The following SCAF4 variants were observed in gnomAD, a reference collection of about 807,000 sequenced individuals.
The protein encoded by SCAF4 is SR-related and CTD-associated factor 4.
In SCAF4, 25 loss-of-function variants were observed where a neutral mutation model predicts 129.8. That is an observed-to-expected ratio of 0.19 (90% CI 0.14 to 0.27). The LOEUF (loss-of-function observed/expected upper bound fraction) is 0.27, where lower values mean the gene tolerates loss of function less well. Ranked by LOEUF, SCAF4 falls within the 10% of genes least tolerant of loss-of-function variation. SCAF4 has a pLI of 1.00. For synonymous variants in SCAF4, 551 were observed against 497.7 expected (o/e 1.11, Z -1.43); for missense variants, 1,246 against 1,457.1 (o/e 0.86, Z 2.36).
chr21:31,676,310 C>T (rs2049854415), intron 19 of SCAF4, among the ~76,000 whole-genome samples: 1 of 152,190 alleles, frequency 6.6e-6, no homozygotes, highest in African/African-American at 2.4e-5. Flanking sequence ...ACCTGCTTCT[C>T]CTCTTTCCAG....
At chr21:31,699,306 T>C (rs1052264259) in intron 7 of SCAF4, among the ~76,000 whole-genome samples, 5 of 152,166 alleles carry the variant, frequency 3.3e-5, no homozygotes, top group Non-Finnish European at 2.9e-5. Context: ...AAAACCTTAC[T>C]AGAATATAGA....
rs1235135448 is a variant in SCAF4 at position 31,704,530 on chromosome 21, T to C, written c.160-604A>G. On this transcript the variant is annotated intron_variant, in intron 3 of 19. Coordinates refer to ENST00000286835, the MANE Select transcript of SCAF4 (RefSeq NM_020706.2). ...CACCAATTCTACATCTAGGAATTTA[T>C]GCAAAAAAAAAAAAAATTAGGTCTA... is the stretch of plus-strand genomic sequence containing the variant. Among the ~76,000 whole-genome samples the C allele has an allele frequency of 2.1e-5, 3 of 146,280 alleles. No homozygotes were observed. The East Asian group carries it at 5.9e-4, about 29-fold the overall frequency.
intron 3 of SCAF4, among the ~76,000 whole-genome samples, chr21:31,704,775 T>C (rs1270375903): frequency 6.6e-6 from 1 of 152,212 alleles, no homozygotes; most frequent in Admixed American, 6.5e-5. Context: ...TTCCATTTTA[T>C]TTATTTGTAC....
chr21:31,712,409 G>A (rs2050821776), intron 1 of SCAF4, among the ~76,000 whole-genome samples: 1 of 151,432 alleles, frequency 6.6e-6, no homozygotes, highest in Admixed American at 6.6e-5. Flanking sequence ...GTAGAGATGG[G>A]GTTTTGCCAT....
At chr21:31,697,550 G>GA (rs1229744339) in intron 7 of SCAF4, among the ~76,000 whole-genome samples, 1 of 152,190 alleles carries the variant, frequency 6.6e-6, no homozygotes, top group Non-Finnish European at 1.5e-5. Context: ...GTGAATGGTA[G>GA]AATCAGGATG....
At chr21:31,675,916 T>C (rs1568821099) in intron 19 of SCAF4, among the ~76,000 whole-genome samples, 2 of 152,132 alleles carry the variant, frequency 1.3e-5, no homozygotes, top group African/African-American at 2.4e-5. Flanking sequence ...GTTGATTTCA[T>C]AGTTGGAGTC....
intron 15 of SCAF4, among the ~76,000 whole-genome samples, chr21:31,690,306 G>A (rs1415219410): frequency 6.6e-6 from 1 of 151,592 alleles, no homozygotes; most frequent in Non-Finnish European, 1.5e-5. Flanking sequence ...CCAACATGGT[G>A]AAACCCCGTG....
At chr21:31,698,068 C>T (rs1201289288) in intron 7 of SCAF4, among the ~76,000 whole-genome samples, 3 of 152,004 alleles carry the variant, frequency 2.0e-5, no homozygotes, top group South Asian at 2.1e-4. Flanking sequence ...TGGTCAAAGT[C>T]GCCTATAAAA....
intron 9 of SCAF4, 145 bp from the exon 10 acceptor site, chr21:31,695,125 T>C (rs1021995985): frequency 4.3e-5 from 29 of 673,754 alleles, no homozygotes; most frequent in Non-Finnish European, 6.7e-5. Flanking sequence ...AATTTCCATA[T>C]GTACAATTTC....
At chr21:31,719,025 T>C (rs2051006348) in intron 1 of SCAF4, among the ~76,000 whole-genome samples, 1 of 152,188 alleles carries the variant, frequency 6.6e-6, no homozygotes, top group African/African-American at 2.4e-5. Flanking sequence ...GCACGGTGGC[T>C]CATGCCCGTA....
At chr21:31,720,897 A>G (rs901351005) in intron 1 of SCAF4, among the ~76,000 whole-genome samples, 12 of 152,250 alleles carry the variant, frequency 7.9e-5, no homozygotes, top group Admixed American at 4.6e-4. Context: ...GCCGCTAGAT[A>G]GTTTTCATCT....
intron 16 of SCAF4, among the ~76,000 whole-genome samples, chr21:31,687,825 G>A (rs966843965): frequency 6.6e-6 from 1 of 151,988 alleles, no homozygotes; most frequent in African/African-American, 2.4e-5. Context: ...AAACATTTAT[G>A]GGCCAGGCAC....
chr21:31,679,691 T>C, intron 19 of SCAF4, among the ~76,000 whole-genome samples: 1 of 152,328 alleles, frequency 6.6e-6, no homozygotes, highest in East Asian at 1.9e-4. Context: ...GAGATGTGAC[T>C]CATCTATTTT....
At position 31,731,718 on chromosome 21, in the gene SCAF4, C is replaced by T; in HGVS notation, c.-26G>A. 2.5e-6 allele frequency: 4 copies of T among 1,572,434 alleles called. No homozygotes were observed. The highest frequency in any genetic ancestry group is 2.6e-6 in the Non-Finnish European group (3 of 1,166,396). The stretch of plus-strand genomic sequence containing the variant: ...GTTCGCGCTGCGGCGGCGGCTGCTC[C>T]GGGCCCGCCGGTCACATAGACCTCG... On this transcript the variant is annotated 5_prime_UTR_variant, in exon 1 of 20. Coordinates refer to ENST00000286835, the MANE Select transcript of SCAF4 (RefSeq NM_020706.2).
At position 31,720,312 on chromosome 21, in the gene SCAF4, G is replaced by T. The variant is rs561610095; in HGVS notation, c.30+11351C>A. Among the ~76,000 whole-genome samples, 4 of 152,288 alleles carry T rather than the reference G, an allele frequency of 2.6e-5. 1 individual carries two copies. In the South Asian group the frequency reaches 8.3e-4, roughly 32 times the overall value. On this transcript the variant is annotated intron_variant, in intron 1 of 19. Transcript: ENST00000286835. ...TTAATGGAGTATAAACTGGTAAAAA[G>T]AATAGACATCTTTAGTTTTAAATGC...
At chr21:31,707,213 C>A (rs1447292050) in intron 1 of SCAF4, among the ~76,000 whole-genome samples, 1 of 152,020 alleles carries the variant, frequency 6.6e-6, no homozygotes, top group Admixed American at 6.6e-5. Flanking sequence ...ATTAGCCAGC[C>A]ATGGTGGCGC....
chr21:31,692,262 T>C, intron 13 of SCAF4, 87 bp downstream of exon 13: 1 of 989,274 alleles, frequency 1.0e-6, no homozygotes. Flanking sequence ...CTGGGCAAAT[T>C]GTAACTTTGG....
At chr21:31,709,350 CAAAA>C (rs376581889) in intron 1 of SCAF4, among the ~76,000 whole-genome samples, 8 of 117,808 alleles carry the variant, frequency 6.8e-5, no homozygotes, top group East Asian at 2.3e-4. Flanking sequence ...CTGAAACTGT[CAAAA>C]AAAAAAAAAA....
rs184182909 is a variant in SCAF4, at chr21:31,696,508, G to C, written c.959+61C>G. On this transcript the variant is annotated intron_variant, in intron 8 of 19. Transcript: ENST00000286835. ...TGTTGTCATTGCTAAATGTTACTTA[G>C]GTTATGCCTTACAACTATTACCAAT... 473 of 1,411,834 alleles carry C rather than the reference G, an allele frequency of 3.4e-4. 4 individuals carry two copies. The East Asian group carries it at 0.01, about 30-fold the overall frequency. The allele number at this position is 1,411,834 out of a possible 1,614,324, so 87.5% of individuals were successfully genotyped here.
Sources: gnomAD v4.1 joint callset for allele counts (sites outside exome capture counted in the v4.1 genomes callset) on GRCh38, gnomAD v4.1.1 for gene constraint, MANE v1.5 for transcripts, NCBI Gene and HGNC (gene_info 2026-07-23, HGNC 2026-07-21) for gene names.